The following RGS5 variants were observed in gnomAD, a reference collection of about 807,000 sequenced individuals.
RGS5 encodes regulator of G protein signaling 5, also known as regulator of G-protein signalling 5.
Under a neutral mutation model 18.9 loss-of-function variants are expected in RGS5, and 20 were observed. The observed-to-expected ratio is 1.06, with a 90% confidence interval of 0.74 to 1.54. The LOEUF (loss-of-function observed/expected upper bound fraction) is 1.54, where lower values mean the gene tolerates loss of function less well. Ranked by LOEUF, RGS5 falls within the 40% of genes most tolerant of loss-of-function variation. The pLI is 0.00. For synonymous variants in RGS5, 57 were observed against 76.2 expected, an observed-to-expected ratio of 0.75 and a Z score of 1.31; for missense variants, 201 against 211.8, an observed-to-expected ratio of 0.95 and a Z score of 0.32.
intron 2 of RGS5, among the ~76,000 whole-genome samples, chr1:163,275,387 A>C (rs967885774): frequency 6.6e-6 from 1 of 152,144 alleles, no homozygotes; most frequent in Non-Finnish European, 1.5e-5. Flanking sequence ...ATGGTCCCCA[A>C]ACAGGGCTGT....
chr1:163,196,565 C>T (rs990118675), intron 1 of RGS5, among the ~76,000 whole-genome samples: 4 of 152,250 alleles, frequency 2.6e-5, no homozygotes, highest in Admixed American at 1.3e-4. Context: ...GGGCAACTAG[C>T]TGGAATACAG....
intron 2 of RGS5, among the ~76,000 whole-genome samples, chr1:163,272,742 C>T (rs1434488044): frequency 2.0e-5 from 3 of 152,016 alleles, no homozygotes; most frequent in Admixed American, 6.6e-5. Context: ...TATTTCTGGG[C>T]TCTCACTTCT....
chr1:163,300,931 G>A (rs1240821221), intron 2 of RGS5, among the ~76,000 whole-genome samples: 1 of 152,176 alleles, frequency 6.6e-6, no homozygotes, highest in East Asian at 1.9e-4. Context: ...AGCTCACGTT[G>A]TGTTGTGCAT....
intron 2 of RGS5, chr1:163,266,479 A>T (rs200688968): frequency 6.6e-6 from 1 of 152,136 alleles, no homozygotes; most frequent in East Asian, 1.9e-4. Context: ...TTTTATAGAT[A>T]AAGTTCTAAC....
At chr1:163,202,771 C>G (rs1239407405) in intron 1 of RGS5, 21 bp downstream of exon 1, 1 of 1,612,226 alleles carries the variant, frequency 6.2e-7, no homozygotes, top group African/African-American at 1.3e-5. Context: ...ATCTCTTAAA[C>G]AAAAATAACT....
At chr1:163,240,514 T>C (rs926641616) in intron 2 of RGS5, among the ~76,000 whole-genome samples, 23 of 151,562 alleles carry the variant, frequency 1.5e-4, no homozygotes, top group African/African-American at 5.6e-4. Flanking sequence ...TTAGGGATAA[T>C]TGGAAAAAAA....
intron 2 of RGS5, among the ~76,000 whole-genome samples, chr1:163,284,800 T>C (rs1403422917): frequency 3.6e-5 from 5 of 139,924 alleles, no homozygotes; most frequent in Non-Finnish European, 6.2e-5. Flanking sequence ...TCCCTCCCCC[T>C]CTTCCCCTCT....
rs747544052 is a variant in RGS5 at position 163,161,974 on chromosome 1, G to C, written c.158C>G (p.Thr53Ser). Residue 53 changes from threonine to serine, a missense_variant and splice_region_variant, in exon 3 of 5, where the codon ACC (threonine) becomes AGC (serine). By Grantham distance (58) the Thr-to-Ser change is moderately conservative. Coordinates refer to ENST00000313961, the MANE Select transcript of RGS5 (RefSeq NM_003617.4). Reference protein sequence around the residue: ...KPEKPAKTQKTSLDEALQWRD... With the variant: ...KPEKPAKTQKSSLDEALQWRD... ...CCACTGCAGGGCCTCGTCCAGCGAGGTTCTACATCAATAATAAGGAGAGAA... is the reference window on the plus strand; with the variant it reads ...CCACTGCAGGGCCTCGTCCAGCGAGCTTCTACATCAATAATAAGGAGAGAA... The C allele has an allele frequency of 6.2e-7, 1 of 1,612,436 alleles. No homozygotes were observed. Among genetic ancestry groups the C allele is most frequent in the Admixed American group, 1.7e-5 (1 of 59,980 alleles).
At position 163,238,893 on chromosome 1, in the gene RGS5, GAA is replaced by G. The variant is rs549075123; in HGVS notation, c.-281+67338_-281+67339del. On this transcript the variant is annotated intron_variant, in intron 2 of 5. Transcript: ENST00000618415. The stretch of plus-strand genomic sequence containing the variant: ...TGAGGTCGAAGACTGCACAAAAAAA[GAA>G]AAGTCTTGGATTATTTATGTTTAAA... 3.6e-4 allele frequency: 62 copies of G among 173,708 alleles called. No individual in the cohort carries two copies. The South Asian group carries it at 9.9e-3, about 28-fold the overall frequency. 10.8% of individuals were successfully genotyped at this position (173,708 alleles called of 1,614,324 possible).
chr1:163,142,488 A>G lies in RGS5; in HGVS notation c.*4854T>C, dbSNP rs1244533493. Reference sequence around the variant, plus strand: ...TAAATGCTTACAAATGGATTTATAAACCTTTCACTTCTACTTCATTCTCCT... The same window carrying G: ...TAAATGCTTACAAATGGATTTATAAGCCTTTCACTTCTACTTCATTCTCCT... On this transcript the variant is annotated 3_prime_UTR_variant, in exon 5 of 5. Transcript: ENST00000313961. The G allele has an allele frequency of 6.6e-6, 1 of 151,980 alleles. No individual in the cohort carries two copies. Among genetic ancestry groups the G allele is most frequent in the Non-Finnish European group, 1.5e-5 (1 of 67,998 alleles). 9.4% of individuals were successfully genotyped at this position (151,980 alleles called of 1,614,324 possible). A position where few individuals can be genotyped will look rare whatever the true frequency, so the allele number is the denominator to read the frequency against.
intron 2 of RGS5, chr1:163,238,104 G>T: frequency 6.4e-6 from 1 of 155,506 alleles, no homozygotes. Flanking sequence ...AAATAAAAGA[G>T]GATTATCTTA....
intron 1 of RGS5, among the ~76,000 whole-genome samples, chr1:163,310,057 A>G (rs1490412142): frequency 7.2e-5 from 11 of 152,198 alleles, no homozygotes; most frequent in Non-Finnish European, 4.4e-5. Context: ...GGGAGCTTAA[A>G]ATATTCAGTA....
intron 2 of RGS5, among the ~76,000 whole-genome samples, chr1:163,281,682 T>C (rs987437371): frequency 1.3e-5 from 2 of 152,072 alleles, no homozygotes; most frequent in African/African-American, 4.8e-5. Flanking sequence ...TCAAGAACTA[T>C]AGTAACCAAA....
chr1:163,198,980 T>G (rs1187756060), intron 1 of RGS5, among the ~76,000 whole-genome samples: 2 of 152,092 alleles, frequency 1.3e-5, no homozygotes, highest in African/African-American at 2.4e-5. Flanking sequence ...ATAGTAACAT[T>G]TTTTGTTTCA....
At chr1:163,294,691 T>C (rs1008679961) in intron 2 of RGS5, among the ~76,000 whole-genome samples, 1 of 152,202 alleles carries the variant, frequency 6.6e-6, no homozygotes, top group African/African-American at 2.4e-5. Flanking sequence ...GGGGTTTTCT[T>C]TTCTATTGCA....
chr1:163,244,906 A>G (rs1422558526), intron 2 of RGS5: 3 of 152,336 alleles, frequency 2.0e-5, no homozygotes, highest in African/African-American at 4.8e-5. Context: ...GGTTTCATCT[A>G]GAGTTCTACT....
intron 1 of RGS5, among the ~76,000 whole-genome samples, chr1:163,169,572 G>A (rs1032821978): frequency 6.6e-6 from 1 of 152,056 alleles, no homozygotes; most frequent in African/African-American, 2.4e-5. Context: ...GTGTGAGATG[G>A]TATCTCACTG....
At chr1:163,247,881 T>C (rs530714868) in intron 2 of RGS5, among the ~76,000 whole-genome samples, 2 of 152,316 alleles carry the variant, frequency 1.3e-5, no homozygotes, top group South Asian at 4.1e-4. Flanking sequence ...TGGCGGATGA[T>C]CAATGAATGT....
At chr1:163,172,015 T>C (rs942858770) in intron 1 of RGS5, among the ~76,000 whole-genome samples, 1 of 152,122 alleles carries the variant, frequency 6.6e-6, no homozygotes, top group African/African-American at 2.4e-5. Context: ...AGTCAGTCAG[T>C]TGGGCTAGAA....
Sources: gnomAD v4.1 joint callset for allele counts (sites outside exome capture counted in the v4.1 genomes callset) on GRCh38, gnomAD v4.1.1 for gene constraint, MANE v1.5 for transcripts, NCBI Gene and HGNC (gene_info 2026-07-23, HGNC 2026-07-21) for gene names.